Variants in LMNA observed in about 807,000 individuals in gnomAD.
The protein encoded by LMNA is lamin.
Under a neutral mutation model 70.4 loss-of-function variants are expected in LMNA, and 20 were observed. The observed-to-expected ratio is 0.28, with a 90% CI of 0.20 to 0.41. The LOEUF is 0.41. Among genes scored for constraint, LMNA ranks in the 10% least tolerant of loss-of-function variants. The pLI is 1.00. For synonymous variants in LMNA, 339 were observed against 372.8 expected (o/e 0.91, Z 1.04); for missense variants, 652 against 917.2 (o/e 0.71, Z 3.73).
intron 3 of LMNA, among the ~76,000 whole-genome samples, chr1:156,102,956 C>T (rs1649194258): frequency 6.6e-6 from 1 of 152,204 alleles, no homozygotes; most frequent in South Asian, 2.1e-4. Flanking sequence ...CCTGGGATCC[C>T]TTCCCACTTC....
chr1:156,130,583 T>C (rs764354612), intron 1 of LMNA, 34 bp from the exon 2 acceptor site: 8 of 1,612,250 alleles, frequency 5.0e-6, no homozygotes, highest in Non-Finnish European at 6.8e-6. Flanking sequence ...CACAGACTCC[T>C]TCTCTTAAAT....
chr1:156,127,005 G>T, intron 1 of LMNA: 1 of 1,322,988 alleles, frequency 7.6e-7, no homozygotes, highest in Admixed American at 2.5e-5. Context: ...ACCCTTCCCA[G>T]CTCCTCTGGC....
At chr1:156,102,281 T>C (rs949682240) in intron 3 of LMNA, among the ~76,000 whole-genome samples, 2 of 152,114 alleles carry the variant, frequency 1.3e-5, no homozygotes, top group Admixed American at 6.5e-5. Context: ...CTAGGCTCAG[T>C]TGTGGCCCCA....
At chr1:156,096,441 C>G (rs1648941916) in intron 3 of LMNA, among the ~76,000 whole-genome samples, 1 of 152,246 alleles carries the variant, frequency 6.6e-6, no homozygotes, top group Non-Finnish European at 1.5e-5. Context: ...TACTGACATA[C>G]TGTCTAGTAC....
chr1:156,136,294 G>A lies in LMNA; in HGVS notation c.1238G>A (p.Gly413Asp), dbSNP rs1350031185. 1.2e-6 allele frequency: 2 copies of A among 1,611,998 alleles called. No homozygotes were observed. The highest frequency in any genetic ancestry group is 1.7e-6 in the Non-Finnish European group (2 of 1,180,022). ...CACTCATCCCAGACACAGGGTGGGGGCAGCGTCACCAAAAAGCGCAAACTG... is the reference window on the plus strand; with the variant it reads ...CACTCATCCCAGACACAGGGTGGGGACAGCGTCACCAAAAAGCGCAAACTG... ...SSHSSQTQGG[G>D]SVTKKRKLES... Residue 413 changes from glycine to aspartate, a missense_variant, in exon 7 of 12, where the codon GGC becomes GAC. Gly to Asp is a moderately conservative substitution (Grantham distance 94). This residue lies in a region of LMNA where 327 missense variants were observed against 387.6 expected (regional missense o/e 0.84). Transcript: ENST00000368300. The surrounding 1 kb of genome is among the most constrained non-coding windows in gnomAD (Gnocchi z 6.1).
intron 3 of LMNA, among the ~76,000 whole-genome samples, chr1:156,107,185 G>C (rs1267156589): frequency 6.6e-6 from 1 of 152,194 alleles, no homozygotes; most frequent in Non-Finnish European, 1.5e-5. Flanking sequence ...ATTGTGAAAA[G>C]CTTGTCACCG....
At chr1:156,112,812 C>T (rs1318962159), upstream of LMNA, among the ~76,000 whole-genome samples, 1 of 152,216 alleles carries the variant, frequency 6.6e-6, no homozygotes, top group African/African-American at 2.4e-5. Flanking sequence ...GGCTTCAGAA[C>T]CCAGAACTGA....
At chr1:156,118,338 A>C (rs1572336994) in intron 1 of LMNA, among the ~76,000 whole-genome samples, 1 of 152,140 alleles carries the variant, frequency 6.6e-6, no homozygotes, top group African/African-American at 2.4e-5. Flanking sequence ...TCTCTTGCTC[A>C]CCCAGCCACG....
intron 2 of LMNA, 146 bp downstream of exon 2, chr1:156,130,919 A>T: frequency 2.6e-6 from 2 of 760,600 alleles, no homozygotes; most frequent in East Asian, 2.7e-5. Flanking sequence ...CATTTTACCC[A>T]CTGAGGTCAC....
In LMNA at chr1:156,138,676, G is replaced by T; in HGVS notation, c.1887G>T (p.Val629=). 2 of 1,613,626 alleles carry T rather than the reference G, an allele frequency of 1.2e-6. No individual in the cohort carries two copies. The highest frequency in any genetic ancestry group is 8.5e-7 in the Non-Finnish European group (1 of 1,179,958). The part of the protein sequence containing the change: ...SVTVTRSYRS[V]GGSGGGSFGD... ...CGGTCACTCGCAGCTACCGCAGTGT[G>T]GGGGGCAGTGGGGGTGGCAGCTTCG... The change falls in exon 11 of 12, where the codon GTG becomes GTT. Residue 629 remains valine (V), a synonymous_variant. Transcript: ENST00000368300. The surrounding 1 kb of genome is among the most constrained non-coding windows in gnomAD (Gnocchi z 5.5).
chr1:156,100,343 C>T (rs1305205264), intron 3 of LMNA, among the ~76,000 whole-genome samples: 1 of 152,196 alleles, frequency 6.6e-6, no homozygotes, highest in African/African-American at 2.4e-5. Flanking sequence ...CTCCTTTACA[C>T]ATGGTGACTA....
rs1410807953 is a variant in LMNA, at chr1:156,114,880, G to T, written c.-39G>T. 7.0e-7 allele frequency: 1 copy of T among 1,421,216 alleles called. No individual in the cohort carries two copies. The highest frequency in any genetic ancestry group is 2.4e-5 in the Admixed American group (1 of 42,548). 88.0% of individuals were successfully genotyped at this position (1,421,216 alleles called of 1,614,324 possible). The stretch of plus-strand genomic sequence containing the variant: ...GACCCGAGCCCCGCGCCCTTTCCGG[G>T]ACCCCTGCCCCGCGGGCAGCGCTGC... On this transcript the variant is annotated 5_prime_UTR_variant, in exon 1 of 12. Coordinates refer to ENST00000368300, the MANE Select transcript of LMNA (RefSeq NM_170707.4).
In LMNA at chr1:156,138,837, G is replaced by T. The variant is rs149646529; in HGVS notation, c.1968+80G>T. The T allele has an allele frequency of 6.1e-3, 9,584 of 1,580,534 alleles. 34 individuals carry two copies. The highest frequency in any genetic ancestry group is 7.2e-3 in the Non-Finnish European group (8,345 of 1,154,644). On this transcript the variant is annotated intron_variant, in intron 11 of 11. Coordinates refer to ENST00000368300, the MANE Select transcript of LMNA (RefSeq NM_170707.4). The surrounding 1 kb of genome is among the most constrained non-coding windows in gnomAD (Gnocchi z 5.5). ...GGGGTAGGACGAGGTGGCCTTGCAG[G>T]GGGGAGAGCCTGCCTTCTCTTCCGC...
chr1:156,130,268 A>G (rs920161765), intron 1 of LMNA, among the ~76,000 whole-genome samples: 1 of 152,082 alleles, frequency 6.6e-6, no homozygotes, highest in Admixed American at 6.5e-5. Flanking sequence ...CTGTGTGGGA[A>G]GGGGCAGGAG....
chr1:156,114,015 G>C (rs1406251639), upstream of LMNA, among the ~76,000 whole-genome samples: 3 of 152,060 alleles, frequency 2.0e-5, no homozygotes, highest in African/African-American at 7.3e-5. Context: ...GTCTAAAAAC[G>C]AATGCTTGGC....
At chr1:156,127,896 G>T (rs927218670) in intron 1 of LMNA, among the ~76,000 whole-genome samples, 4 of 151,930 alleles carry the variant, frequency 2.6e-5, no homozygotes, top group Non-Finnish European at 5.9e-5. Context: ...CATGTTGGCA[G>T]GCTGGTCTCG....
intron 1 of LMNA, among the ~76,000 whole-genome samples, chr1:156,123,790 C>T (rs1650360406): frequency 6.6e-6 from 1 of 152,238 alleles, no homozygotes; most frequent in South Asian, 2.1e-4. Context: ...CCCCAGTGCC[C>T]TGGCCTCCGG....
At chr1:156,099,307 C>T (rs1403934652) in intron 3 of LMNA, among the ~76,000 whole-genome samples, 1 of 152,142 alleles carries the variant, frequency 6.6e-6, no homozygotes. Flanking sequence ...GCATTCTGGG[C>T]CTAGCTCCAC....
At chr1:156,107,072 A>C (rs2102805905) in intron 3 of LMNA, among the ~76,000 whole-genome samples, 1 of 152,302 alleles carries the variant, frequency 6.6e-6, no homozygotes, top group East Asian at 1.9e-4. Context: ...GGAGACAATC[A>C]GTTAGCCTGC....
Sources: gnomAD v4.1 joint callset for allele counts (sites outside exome capture counted in the v4.1 genomes callset) on GRCh38, gnomAD v4.1.1 for gene constraint, gnomAD v4.1.1 regional missense constraint, Gnocchi (gnomAD v3.1) non-coding constraint, MANE v1.5 for transcripts, NCBI Gene and HGNC (gene_info 2026-07-23, HGNC 2026-07-21) for gene names.